RAB1A: variants seen among roughly 807,000 people sequenced by gnomAD.
RAB1A encodes the protein ras-related protein Rab-1A.
RAB1A carries 2 observed loss-of-function variants against 26.0 expected under a neutral mutation model. The observed-to-expected ratio is 0.08, with a 90% CI of 0.03 to 0.24. The LOEUF (loss-of-function observed/expected upper bound fraction) is 0.24, where lower values mean the gene tolerates loss of function less well. RAB1A is among the 10% of genes least tolerant of loss of function. The pLI, the probability that RAB1A is intolerant of heterozygous loss-of-function variation, is 1.00. For missense variants in RAB1A, 100 were observed against 247.0 expected (o/e 0.40, Z 3.99); for synonymous variants, 84 against 84.9 (o/e 0.99, Z 0.06).
Position 65,130,091 on chromosome 2 carries a change from C to A in RAB1A, c.-176G>T. 1 of 749,876 alleles carries A rather than the reference C, an allele frequency of 1.3e-6. No individual in the cohort carries two copies. The highest frequency in any genetic ancestry group is 1.7e-5 in the African/African-American group (1 of 57,800). The allele number at this position is 749,876 out of a possible 1,614,324, so 46.5% of individuals were successfully genotyped here. A position where few individuals can be genotyped will look rare whatever the true frequency, so the allele number is the denominator to read the frequency against. On this transcript the variant is annotated 5_prime_UTR_variant, in exon 1 of 6. Transcript: ENST00000409784. ...TCAGCAGCCGCCGCCACTCAGCTAT[C>A]GCTTCCACCCAAAATGGCCGCCGGC...
intron 1 of RAB1A, among the ~76,000 whole-genome samples, chr2:65,105,565 C>T (rs994955604): frequency 2.1e-4 from 30 of 144,472 alleles, no homozygotes; most frequent in Non-Finnish European, 3.9e-4. Context: ...AATTTCATAG[C>T]ACTCCTCCAA....
chr2:65,108,166 A>G (rs1183513846), intron 1 of RAB1A, among the ~76,000 whole-genome samples: 1 of 151,962 alleles, frequency 6.6e-6, no homozygotes, highest in Non-Finnish European at 1.5e-5. Flanking sequence ...GTTCGAGACC[A>G]GCCAGGCCAA....
At chr2:65,097,699 T>G (rs1477771688) in intron 3 of RAB1A, among the ~76,000 whole-genome samples, 3 of 152,174 alleles carry the variant, frequency 2.0e-5, no homozygotes, top group African/African-American at 7.2e-5. Flanking sequence ...TGAACTTAGA[T>G]TTCCACTGAT....
intron 1 of RAB1A, among the ~76,000 whole-genome samples, chr2:65,116,832 C>A (rs1669838571): frequency 6.6e-6 from 1 of 152,234 alleles, no homozygotes; most frequent in Non-Finnish European, 1.5e-5. Flanking sequence ...AAAACAGTAA[C>A]ATGCTCTGCA....
chr2:65,126,196 C>T (rs1670097476), intron 1 of RAB1A, among the ~76,000 whole-genome samples: 1 of 151,860 alleles, frequency 6.6e-6, no homozygotes, highest in Admixed American at 6.6e-5. Flanking sequence ...TGCCTGTAAT[C>T]CCAGCTACTC....
intron 3 of RAB1A, among the ~76,000 whole-genome samples, chr2:65,094,584 CAAAAAAAAA>C (rs11301138): frequency 8.3e-6 from 1 of 121,050 alleles, no homozygotes; most frequent in Admixed American, 8.2e-5. Context: ...AACTCCGTCT[CAAAAAAAAA>C]AAAAAAGAAA....
Position 65,099,475 on chromosome 2 carries a change from G to T in RAB1A, c.97-1409C>A, listed in dbSNP as rs184826756. Among the ~76,000 whole-genome samples, 45 of 152,270 alleles carry T rather than the reference G, an allele frequency of 3.0e-4. No homozygotes were observed. The South Asian group carries it at 5.6e-3, about 19-fold the overall frequency. The stretch of plus-strand genomic sequence containing the variant: ...AAGAAGTACTCTGTCAACAAAGATG[G>T]ACCTTAATCGAATCAGGTCTAATGA... On this transcript the variant is annotated intron_variant, in intron 2 of 5. Coordinates refer to ENST00000409784, the MANE Select transcript of RAB1A (RefSeq NM_004161.5).
At chr2:65,129,063 T>C (rs1053958607) in intron 1 of RAB1A, among the ~76,000 whole-genome samples, 1 of 151,958 alleles carries the variant, frequency 6.6e-6, no homozygotes, top group African/African-American at 2.4e-5. Context: ...AGATCTATCA[T>C]AGGTCCCGTT....
rs139913035 is a variant in RAB1A at position 65,093,073 on chromosome 2, T to C, written c.193-1995A>G. ...CTTTTTTTTAATAAATCACCCAGTT[T>C]TGGTCAGTTCCTTGTGGCAGTGTGA... On this transcript the variant is annotated intron_variant, in intron 3 of 5. Transcript: ENST00000409784. Among the ~76,000 whole-genome samples the C allele has an allele frequency of 3.6e-4, 55 of 152,242 alleles. 1 individual carries two copies. The highest frequency in any genetic ancestry group is 1.3e-3 in the African/African-American group (55 of 41,546).
chr2:65,087,525 C>G lies in RAB1A; in HGVS notation c.*968G>C, dbSNP rs1398018933. On this transcript the variant is annotated 3_prime_UTR_variant, in exon 6 of 6. Transcript: ENST00000409784. ...TTAGGAAAGGTGCTGCTTTCTACCT[C>G]TACCACAGATGCATTTATGAAATGT... 1 of 152,632 alleles carries G rather than the reference C, an allele frequency of 6.6e-6. No individual in the cohort carries two copies. Among genetic ancestry groups the G allele is most frequent in the Non-Finnish European group, 1.5e-5 (1 of 68,048 alleles). The allele number at this position is 152,632 out of a possible 1,614,324, so 9.5% of individuals were successfully genotyped here.
At chr2:65,113,498 T>G (rs181569084) in intron 1 of RAB1A, among the ~76,000 whole-genome samples, 2 of 152,106 alleles carry the variant, frequency 1.3e-5, no homozygotes, top group African/African-American at 4.8e-5. Flanking sequence ...GCAACAAGAG[T>G]GAGACCCCCA....
chr2:65,119,043 A>C lies in RAB1A; in HGVS notation c.23+10850T>G, dbSNP rs72888499. On this transcript the variant is annotated intron_variant, in intron 1 of 5. Transcript: ENST00000409784. ...GTCTCTACAAAAAAAGAGAAAAAAG[A>C]AAAAAAATACAAAAACTGCCAGGCA... Among the ~76,000 whole-genome samples, 928 of 151,576 alleles carry C rather than the reference A, an allele frequency of 6.1e-3. 10 individuals are homozygous for C. The highest frequency in any genetic ancestry group is 0.021 in the African/African-American group (886 of 41,446).
intron 1 of RAB1A, among the ~76,000 whole-genome samples, chr2:65,112,185 G>C (rs1669715731): frequency 7.2e-6 from 1 of 139,518 alleles, no homozygotes; most frequent in Non-Finnish European, 1.5e-5. Flanking sequence ...TTGCTCTGTT[G>C]CCTAGGCTGG....
chr2:65,089,781 C>A (rs1669127102), intron 4 of RAB1A, among the ~76,000 whole-genome samples: 1 of 150,320 alleles, frequency 6.7e-6, no homozygotes, highest in Admixed American at 6.8e-5. Flanking sequence ...CGGCTCACTG[C>A]AACCTCTGCC....
intron 1 of RAB1A, among the ~76,000 whole-genome samples, chr2:65,113,499 G>T (rs1669752111): frequency 5.9e-5 from 9 of 152,118 alleles, no homozygotes; most frequent in Admixed American, 5.9e-4. Flanking sequence ...CAACAAGAGT[G>T]AGACCCCCAT....
At chr2:65,095,362 T>G (rs981833973) in intron 3 of RAB1A, among the ~76,000 whole-genome samples, 1 of 151,850 alleles carries the variant, frequency 6.6e-6, no homozygotes, top group Non-Finnish European at 1.5e-5. Context: ...CTTATTTTGT[T>G]TTTGAGACAG....
At chr2:65,096,213 G>A (rs1669279393) in intron 3 of RAB1A, among the ~76,000 whole-genome samples, 1 of 151,950 alleles carries the variant, frequency 6.6e-6, no homozygotes, top group East Asian at 1.9e-4. Context: ...TATTAGGGAG[G>A]CTAAGGCAGG....
At chr2:65,129,282 C>G (rs1213825385) in intron 1 of RAB1A, among the ~76,000 whole-genome samples, 3 of 151,844 alleles carry the variant, frequency 2.0e-5, no homozygotes, top group African/African-American at 7.3e-5. Flanking sequence ...AACAACTCCT[C>G]CAAGACACAA....
chr2:65,101,888 T>C (rs2103842849), intron 2 of RAB1A, among the ~76,000 whole-genome samples: 1 of 152,050 alleles, frequency 6.6e-6, no homozygotes, highest in African/African-American at 2.4e-5. Flanking sequence ...TAGCTGGGAT[T>C]ACAGGCATGC....
Sources: allele counts gnomAD v4.1 joint callset (sites outside exome capture counted in the v4.1 genomes callset), GRCh38; gene constraint gnomAD v4.1.1; transcripts MANE v1.5; gene names NCBI Gene and HGNC (gene_info 2026-07-23, HGNC 2026-07-21).